Variants in ACSS3 observed in about 807,000 individuals in gnomAD.
ACSS3 encodes the protein acyl-CoA synthetase short chain family member 3.
In ACSS3, 64 loss-of-function variants were observed where a neutral mutation model predicts 84.2. The observed-to-expected ratio is 0.76, with a 90% CI of 0.62 to 0.94. ACSS3 has a LOEUF of 0.94. ACSS3 is among the 40% of genes least tolerant of loss of function. ACSS3 has a pLI of 0.00. For synonymous variants in ACSS3, 317 were observed against 310.1 expected, an observed-to-expected ratio of 1.02 and a Z score of -0.23; for missense variants, 815 against 867.6, an observed-to-expected ratio of 0.94 and a Z score of 0.76.
intron 8 of ACSS3, among the ~76,000 whole-genome samples, chr12:81,193,423 A>G (rs2031678676): frequency 6.6e-6 from 1 of 152,006 alleles, no homozygotes; most frequent in African/African-American, 2.4e-5. Context: ...TTTTGGACCA[A>G]AATTAATTTG....
chr12:81,093,413 A>T (rs908464223), intron 1 of ACSS3, among the ~76,000 whole-genome samples: 2 of 151,752 alleles, frequency 1.3e-5, no homozygotes, highest in Admixed American at 6.6e-5. Flanking sequence ...AGACTGCACC[A>T]ATGCACACTC....
At chr12:81,093,704 C>T (rs1424984080) in intron 1 of ACSS3, among the ~76,000 whole-genome samples, 1 of 151,910 alleles carries the variant, frequency 6.6e-6, no homozygotes, top group Non-Finnish European at 1.5e-5. Flanking sequence ...GTAATAACAT[C>T]TTACATAACT....
intron 7 of ACSS3, among the ~76,000 whole-genome samples, chr12:81,162,256 C>T (rs1345662713): frequency 6.6e-6 from 1 of 152,170 alleles, no homozygotes; most frequent in East Asian, 1.9e-4. Context: ...GTCCTGTCCA[C>T]AGGCAAGAGG....
rs996916229 is a variant in ACSS3 at position 81,257,823 on chromosome 12, A to T, written c.*2901A>T. On this transcript the variant is annotated 3_prime_UTR_variant, in exon 16 of 16. Transcript: ENST00000548058. ...AGAAGTTATCTTTCTTATAAATTAA[A>T]ACATATTTTATGCTTCTTTTTTGAG... 1.3e-5 allele frequency: 2 copies of T among 152,156 alleles called. No individual in the cohort carries two copies. Among genetic ancestry groups the T allele is most frequent in the African/African-American group, 2.4e-5 (1 of 41,454 alleles). 9.4% of individuals were successfully genotyped at this position (152,156 alleles called of 1,614,324 possible). A position where few individuals can be genotyped will look rare whatever the true frequency, so the allele number is the denominator to read the frequency against.
chr12:81,177,945 C>T (rs1361676557), intron 8 of ACSS3, among the ~76,000 whole-genome samples: 1 of 152,094 alleles, frequency 6.6e-6, no homozygotes, highest in Non-Finnish European at 1.5e-5. Flanking sequence ...ACCATTTGAC[C>T]CAGCCATCCC....
chr12:81,254,885 T>C lies in ACSS3; in HGVS notation c.2024T>C (p.Ile675Thr). Residue 675 changes from isoleucine (I) to threonine (T), a missense_variant, in exon 16 of 16, where the codon ATT (isoleucine) becomes ACT (threonine). Transcript: ENST00000548058. ...KITSTIEDPS[I>T]FGHVEEMLKQ... ...ACTTCTACAATTGAAGACCCCAGCA[T>C]TTTTGGCCACGTAGAAGAAATGCTG... The C allele has an allele frequency of 6.2e-7, 1 of 1,608,566 alleles. No individual in the cohort carries two copies. The highest frequency in any genetic ancestry group is 8.5e-7 in the Non-Finnish European group (1 of 1,177,384).
intron 13 of ACSS3, among the ~76,000 whole-genome samples, chr12:81,236,862 GT>G (rs899109658): frequency 2.0e-5 from 3 of 150,890 alleles, no homozygotes; most frequent in Non-Finnish European, 3.0e-5. Context: ...ATCTTTGACA[GT>G]TTTTTTTATA....
rs149163659 is a variant in ACSS3 at position 81,153,928 on chromosome 12, A to G, written c.1098+1832A>G. ...TGACACAAGTATTAAACCATCATAT[A>G]CTACTCTACACTTTTGTATCATGCT... On this transcript the variant is annotated intron_variant, in intron 7 of 15. Transcript: ENST00000548058. Among the ~76,000 whole-genome samples, 53 of 152,312 alleles carry G rather than the reference A, an allele frequency of 3.5e-4. No homozygotes were observed. The East Asian group carries it at 9.8e-3, about 28-fold the overall frequency.
At chr12:81,205,104 T>C (rs1318072698) in intron 9 of ACSS3, among the ~76,000 whole-genome samples, 4 of 152,256 alleles carry the variant, frequency 2.6e-5, no homozygotes, top group African/African-American at 4.8e-5. Flanking sequence ...TCTGAAGTAA[T>C]TATAGTCTAT....
At position 81,078,091 on chromosome 12, in the gene ACSS3, A is replaced by G; in HGVS notation, c.-30A>G. ...AAGTTGCAAGAGTACCATTTGTCGCACACTCGGGGACCGCGGGTGGCCGGA... is the reference window on the plus strand; with the variant it reads ...AAGTTGCAAGAGTACCATTTGTCGCGCACTCGGGGACCGCGGGTGGCCGGA... On this transcript the variant is annotated 5_prime_UTR_variant, in exon 1 of 16. Coordinates refer to ENST00000548058, the MANE Select transcript of ACSS3 (RefSeq NM_024560.4). 6.9e-7 allele frequency: 1 copy of G among 1,451,604 alleles called. No homozygotes were observed. The highest frequency in any genetic ancestry group is 9.1e-7 in the Non-Finnish European group (1 of 1,103,172). The allele number at this position is 1,451,604 out of a possible 1,614,324, so 89.9% of individuals were successfully genotyped here. A position where few individuals can be genotyped will look rare whatever the true frequency, so the allele number is the denominator to read the frequency against.
At chr12:81,242,235 C>G (rs540755580) in intron 13 of ACSS3, among the ~76,000 whole-genome samples, 4 of 151,982 alleles carry the variant, frequency 2.6e-5, no homozygotes, top group Non-Finnish European at 5.9e-5. Flanking sequence ...AACACCTCTA[C>G]GCAAATAAAC....
chr12:81,245,322 C>T (rs1044555455), intron 13 of ACSS3, among the ~76,000 whole-genome samples: 7 of 152,052 alleles, frequency 4.6e-5, no homozygotes, highest in East Asian at 1.9e-4. Context: ...ATTAGCCAGG[C>T]GTGGTGGTGG....
intron 8 of ACSS3, among the ~76,000 whole-genome samples, chr12:81,177,485 C>G (rs1379729305): frequency 2.6e-5 from 4 of 151,972 alleles, no homozygotes; most frequent in African/African-American, 9.7e-5. Flanking sequence ...AAATCAAGAG[C>G]CTCTGCACAG....
chr12:81,137,722 A>C, intron 3 of ACSS3, among the ~76,000 whole-genome samples: 1 of 152,172 alleles, frequency 6.6e-6, no homozygotes, highest in East Asian at 1.9e-4. Flanking sequence ...TATTCTATAT[A>C]TGCTCCTAAT....
chr12:81,241,157 A>C (rs897997483), intron 13 of ACSS3, among the ~76,000 whole-genome samples: 1 of 152,012 alleles, frequency 6.6e-6, no homozygotes, highest in Non-Finnish European at 1.5e-5. Context: ...TGTACAAAGG[A>C]CATGAACTCA....
At chr12:81,149,658 A>G (rs192482095) in intron 5 of ACSS3, among the ~76,000 whole-genome samples, 16 of 152,326 alleles carry the variant, frequency 1.1e-4, no homozygotes, top group African/African-American at 3.6e-4. Context: ...TCTTTAAAAA[A>G]TAAAAGTAAG....
intron 13 of ACSS3, among the ~76,000 whole-genome samples, chr12:81,241,658 G>C (rs1221324877): frequency 1.3e-5 from 2 of 152,138 alleles, no homozygotes; most frequent in Middle Eastern, 3.4e-3. Context: ...CTGTTCATAT[G>C]CTTCACCCAC....
At chr12:81,102,078 CACAT>C (rs1882560246) in intron 1 of ACSS3, among the ~76,000 whole-genome samples, 1 of 151,640 alleles carries the variant, frequency 6.6e-6, no homozygotes, top group South Asian at 2.1e-4. Flanking sequence ...CATATTCTAG[CACAT>C]ACATATATAT....
At chr12:81,231,986 A>G (rs948516828) in intron 12 of ACSS3, among the ~76,000 whole-genome samples, 1 of 150,776 alleles carries the variant, frequency 6.6e-6, no homozygotes. Context: ...TTTTATCTTT[A>G]TTATTTGTTA....
Sources: allele counts gnomAD v4.1 joint callset (sites outside exome capture counted in the v4.1 genomes callset), GRCh38; gene constraint gnomAD v4.1.1; transcripts MANE v1.5; gene names NCBI Gene and HGNC (gene_info 2026-07-23, HGNC 2026-07-21).